The following DOCK8 variants were observed in gnomAD, a reference collection of about 807,000 sequenced individuals.
DOCK8 encodes dedicator of cytokinesis 8, also known as dedicator of cytokinesis protein 8.
DOCK8 carries 141 observed loss-of-function variants against 245.6 expected under a neutral mutation model. That is an observed-to-expected ratio of 0.57 (90% CI 0.50 to 0.66). DOCK8 has a LOEUF of 0.66. Ranked by LOEUF, DOCK8 falls within the 30% of genes least tolerant of loss-of-function variation. The probability of loss-of-function intolerance (pLI) is 0.00; values close to 1 mark genes in which losing one functional copy is unlikely to be tolerated. For synonymous variants in DOCK8, 1,168 were observed against 970.2 expected, an observed-to-expected ratio of 1.20 and a Z score of -3.79; for missense variants, 2,965 against 2,603.4, an observed-to-expected ratio of 1.14 and a Z score of -3.02.
At chr9:429,167 A>G (rs960555053) in intron 35 of DOCK8, among the ~76,000 whole-genome samples, 1 of 152,128 alleles carries the variant, frequency 6.6e-6, no homozygotes, top group African/African-American at 2.4e-5. Context: ...GGGTTTCACC[A>G]TGTTGGCCAG....
At chr9:435,114 C>A in intron 39 of DOCK8, 139 bp downstream of exon 39, 1 of 965,086 alleles carries the variant, frequency 1.0e-6, no homozygotes, top group Non-Finnish European at 1.6e-6. Flanking sequence ...GTGCTACTGG[C>A]ATCTGACTGG....
At chr9:219,501 A>G (rs1449692021) in intron 1 of DOCK8, among the ~76,000 whole-genome samples, 1 of 152,150 alleles carries the variant, frequency 6.6e-6, no homozygotes, top group Non-Finnish European at 1.5e-5. Context: ...TAAAAAAGGA[A>G]CAAAGTATTA....
rs1413681890 is a variant in DOCK8, at chr9:441,398, T to G, written c.5336T>G (p.Phe1779Cys). ...ACTCACAGCAAGCTGCAGAGAGCCTTCGACAGCATCGTTAACAAGGTAGCC... is the reference window on the plus strand; with the variant it reads ...ACTCACAGCAAGCTGCAGAGAGCCTGCGACAGCATCGTTAACAAGGTAGCC... ...TLTHSKLQRA[F>C]DSIVNKDHKR... Residue 1779 changes from phenylalanine (F) to cysteine (C), a missense_variant, in exon 41 of 48, where the codon TTC becomes TGC. Phe to Cys is a radical substitution (Grantham distance 205). This residue lies in a region of DOCK8 where 2,825 missense variants were observed against 2,453.5 expected (regional missense o/e 1.15). Transcript: ENST00000432829. The G allele has an allele frequency of 6.2e-7, 1 of 1,614,090 alleles. No individual in the cohort carries two copies. Among genetic ancestry groups the G allele is most frequent in the Admixed American group, 1.7e-5 (1 of 60,014 alleles).
chr9:399,267 T>TGGGCC lies in DOCK8; in HGVS notation c.3234+8_3234+9insGGGCC. ...AGACATTATTGCAGCCAGGTGAGTG[T>TGGGCC]CCCCCCCACCCCCACCCCCGAGCGA... On this transcript the variant is annotated intron_variant, in intron 26 of 47. Transcript: ENST00000432829. 1 of 1,534,478 alleles carries TGGGCC rather than the reference T, an allele frequency of 6.5e-7. No individual in the cohort carries two copies. Among genetic ancestry groups the TGGGCC allele is most frequent in the Non-Finnish European group, 8.6e-7 (1 of 1,156,096 alleles).
chr9:225,783 A>G (rs1264410668), intron 1 of DOCK8, among the ~76,000 whole-genome samples: 3 of 152,190 alleles, frequency 2.0e-5, no homozygotes, highest in Non-Finnish European at 4.4e-5. Context: ...TTGAGAGGGC[A>G]TGGATTCTTT....
At chr9:352,881 ACTT>A (rs1563954416) in intron 14 of DOCK8, among the ~76,000 whole-genome samples, 2 of 152,040 alleles carry the variant, frequency 1.3e-5, no homozygotes. Context: ...GAGTGGGAAC[ACTT>A]CTTCTCAGCT....
intron 7 of DOCK8, among the ~76,000 whole-genome samples, chr9:323,767 TCTTTTTGTGACTGG>T (rs1350925161): frequency 6.6e-6 from 1 of 152,246 alleles, no homozygotes; most frequent in Non-Finnish European, 1.5e-5. Context: ...GAAGTAACTG[TCTTTTTGTGACTGG>T]CTTCTTTTAC....
Position 311,241 on chromosome 9 carries a change from C to T in DOCK8, c.529-713C>T, listed in dbSNP as rs185430717. On this transcript the variant is annotated intron_variant, in intron 5 of 47. Transcript: ENST00000432829. ...CGGAGGTTGCAGTGAGCTGAGATGGCGCCATTGCACTCAAGCCTAGGTGTC... is the reference window on the plus strand; with the variant it reads ...CGGAGGTTGCAGTGAGCTGAGATGGTGCCATTGCACTCAAGCCTAGGTGTC... Among the ~76,000 whole-genome samples the T allele has an allele frequency of 6.0e-3, 900 of 151,118 alleles. 3 individuals are homozygous for T. The highest frequency in any genetic ancestry group is 8.4e-3 in the Non-Finnish European group (573 of 67,834).
chr9:355,678 C>T (rs1055400240), intron 14 of DOCK8, among the ~76,000 whole-genome samples: 4 of 152,148 alleles, frequency 2.6e-5, no homozygotes, highest in Non-Finnish European at 5.9e-5. Flanking sequence ...AGATTCTCTG[C>T]ATTTTCTTAT....
At chr9:215,689 A>G in intron 1 of DOCK8, 1 of 347,682 alleles carries the variant, frequency 2.9e-6, no homozygotes, top group Non-Finnish European at 5.4e-6. Context: ...AACTCCAGCA[A>G]AAAGCTAAGG....
chr9:451,817 C>T (rs566730887), intron 45 of DOCK8, among the ~76,000 whole-genome samples, 194 bp from the exon 46 acceptor site: 25 of 150,302 alleles, frequency 1.7e-4, no homozygotes, highest in African/African-American at 5.9e-4. Flanking sequence ...TATTTTCTCC[C>T]AAGCAATTTA....
chr9:331,764 A>G (rs2051025056), intron 9 of DOCK8, among the ~76,000 whole-genome samples: 1 of 152,238 alleles, frequency 6.6e-6, no homozygotes, highest in Non-Finnish European at 1.5e-5. Context: ...ATTCATTCCT[A>G]TCAACAGCCA....
At chr9:355,793 C>T (rs4741828) in intron 14 of DOCK8, among the ~76,000 whole-genome samples, 86,987 of 151,874 alleles carry the variant, frequency 0.57, 26,007 homozygotes, top group East Asian at 0.8. Flanking sequence ...TCCTCCCTAA[C>T]TCCCAACCGC....
In DOCK8 at chr9:439,404, G is replaced by A. The variant is rs1431764718; in HGVS notation, c.5223+16G>A. 1 of 1,611,284 alleles carries A rather than the reference G, an allele frequency of 6.2e-7. No homozygotes were observed. The highest frequency in any genetic ancestry group is 8.5e-7 in the Non-Finnish European group (1 of 1,179,972). On this transcript the variant is annotated intron_variant, in intron 40 of 47. Transcript: ENST00000432829. ...CTTCAGCACGGTCAGTGCCCAGAGG[G>A]CATCCCGGGGCCTGGCCTCCCATAC...
intron 14 of DOCK8, among the ~76,000 whole-genome samples, chr9:362,127 A>T (rs1283046859): frequency 6.6e-6 from 1 of 152,174 alleles, no homozygotes. Flanking sequence ...TCTTTATCAC[A>T]TGACTGATTG....
intron 7 of DOCK8, among the ~76,000 whole-genome samples, chr9:318,654 G>T (rs1443524818): frequency 6.6e-6 from 1 of 152,220 alleles, no homozygotes; most frequent in Non-Finnish European, 1.5e-5. Flanking sequence ...CCATAAACCA[G>T]CTGAGTGTCA....
At chr9:421,457 C>A (rs779373656) in intron 32 of DOCK8, among the ~76,000 whole-genome samples, 8 of 152,206 alleles carry the variant, frequency 5.3e-5, no homozygotes, top group Non-Finnish European at 1.2e-4. Flanking sequence ...CTGAACAGTT[C>A]TGGCCCCAAG....
At position 451,943 on chromosome 9, in the gene DOCK8, ATG is replaced by A. The variant is rs1269297855; in HGVS notation, c.5962-56_5962-55del. 4.0e-4 allele frequency: 123 copies of A among 305,200 alleles called. 2 individuals carry two copies. The highest frequency in any genetic ancestry group is 3.3e-3 in the African/African-American group (114 of 34,806). 18.9% of individuals were successfully genotyped at this position (305,200 alleles called of 1,614,324 possible). ...CATATATATGTATGTGTATATATAT[ATG>A]TGTGTGTGTGTATATATATATATAT... On this transcript the variant is annotated intron_variant, in intron 45 of 47. Transcript: ENST00000432829.
intron 4 of DOCK8, among the ~76,000 whole-genome samples, chr9:299,431 T>G (rs1225744034): frequency 6.6e-6 from 1 of 152,014 alleles, no homozygotes; most frequent in African/African-American, 2.4e-5. Flanking sequence ...TCGGCTAATT[T>G]TTTGTGTTTT....
Sources: allele counts gnomAD v4.1 joint callset (sites outside exome capture counted in the v4.1 genomes callset), GRCh38; gene constraint gnomAD v4.1.1; regional missense constraint gnomAD v4.1.1; transcripts MANE v1.5; gene names NCBI Gene and HGNC (gene_info 2026-07-23, HGNC 2026-07-21).